AADACL2: variants seen among roughly 807,000 people sequenced by gnomAD.
AADACL2 encodes the protein arylacetamide deacetylase-like 2.
A neutral mutation model predicts 22.3 loss-of-function variants in AADACL2; 23 were observed. The ratio of observed to expected loss-of-function variants is 1.03; its 90% CI spans 0.74 to 1.46. The LOEUF (loss-of-function observed/expected upper bound fraction) is 1.46, where lower values mean the gene tolerates loss of function less well. Among genes scored for constraint, AADACL2 ranks in the 40% most tolerant of loss-of-function variants. The pLI is 0.00. For missense variants in AADACL2, 472 were observed against 482.9 expected, an observed-to-expected ratio of 0.98 and a Z score of 0.21; for synonymous variants, 177 against 166.2, an observed-to-expected ratio of 1.07 and a Z score of -0.50.
chr3:151,756,968 C>A, intron 4 of AADACL2, 24 bp from the exon 5 acceptor site: 1 of 1,532,796 alleles, frequency 6.5e-7, no homozygotes, highest in Middle Eastern at 1.8e-4. Flanking sequence ...GTTTGCATTA[C>A]AGAATATTAC....
At chr3:151,748,145 T>A (rs181559162) in intron 4 of AADACL2, among the ~76,000 whole-genome samples, 2 of 152,202 alleles carry the variant, frequency 1.3e-5, no homozygotes, top group Non-Finnish European at 2.9e-5. Context: ...ATTTTTGCTT[T>A]TGTTGCCTGT....
intron 4 of AADACL2, 64 bp from the exon 5 acceptor site, chr3:151,756,928 A>T (rs1713933788): frequency 6.8e-7 from 1 of 1,479,228 alleles, no homozygotes; most frequent in Non-Finnish European, 9.0e-7. Context: ...CTAGATAATT[A>T]AATTTTTTTT....
intron 4 of AADACL2, among the ~76,000 whole-genome samples, chr3:151,750,398 T>C (rs903610627): frequency 6.6e-6 from 1 of 152,206 alleles, no homozygotes; most frequent in African/African-American, 2.4e-5. Context: ...TAAGTTCACC[T>C]ATGAGTCTCT....
intron 3 of AADACL2, 75 bp downstream of exon 3, chr3:151,744,237 G>T: frequency 7.4e-7 from 1 of 1,345,266 alleles, no homozygotes; most frequent in South Asian, 1.3e-5. Context: ...CATCAAGTCA[G>T]CTATGCTTCA....
intron 4 of AADACL2, among the ~76,000 whole-genome samples, chr3:151,749,843 G>A (rs904869905): frequency 7.2e-5 from 11 of 151,798 alleles, no homozygotes; most frequent in Non-Finnish European, 1.3e-4. Flanking sequence ...TTGTTTTTTT[G>A]TTTTCTTAAT....
In AADACL2 at chr3:151,754,864, C is replaced by T. The variant is rs570945519; in HGVS notation, c.604-2128C>T. Among the ~76,000 whole-genome samples the T allele has an allele frequency of 1.1e-4, 16 of 152,148 alleles. No individual in the cohort carries two copies. The South Asian group carries it at 3.1e-3, about 30-fold the overall frequency. On this transcript the variant is annotated intron_variant, in intron 4 of 4. Transcript: ENST00000356517. ...CATTTTTTTGCACTCAAGTACATATCAGTTACCCACAAAATCAGAAATACA... is the reference window on the plus strand; with the variant it reads ...CATTTTTTTGCACTCAAGTACATATTAGTTACCCACAAAATCAGAAATACA...
At chr3:151,749,690 C>T in intron 4 of AADACL2, among the ~76,000 whole-genome samples, 1 of 152,092 alleles carries the variant, frequency 6.6e-6, no homozygotes, top group East Asian at 1.9e-4. Context: ...ACCATGTTAA[C>T]CAGGATGGTC....
intron 2 of AADACL2, among the ~76,000 whole-genome samples, chr3:151,743,632 G>A (rs867562533): frequency 1.3e-5 from 2 of 152,138 alleles, no homozygotes; most frequent in African/African-American, 2.4e-5. Context: ...TTTGAAGAAC[G>A]ATGTTTAGAG....
intron 2 of AADACL2, among the ~76,000 whole-genome samples, chr3:151,742,574 G>C (rs1286722187): frequency 2.0e-5 from 3 of 152,158 alleles, no homozygotes; most frequent in Non-Finnish European, 4.4e-5. Context: ...GTCTCTGGAT[G>C]AAACGGATTT....
At chr3:151,736,638 T>G (rs190318249) in intron 1 of AADACL2, among the ~76,000 whole-genome samples, 38 of 152,338 alleles carry the variant, frequency 2.5e-4, no homozygotes, top group African/African-American at 9.1e-4. Context: ...TCTATGTACC[T>G]GCAAAGGACA....
intron 1 of AADACL2, among the ~76,000 whole-genome samples, chr3:151,736,366 T>C (rs1289907595): frequency 6.6e-6 from 1 of 151,940 alleles, no homozygotes; most frequent in African/African-American, 2.4e-5. Flanking sequence ...TGCAGGTTTG[T>C]TGCATAGGTA....
intron 1 of AADACL2, among the ~76,000 whole-genome samples, chr3:151,738,544 T>G (rs1291925461): frequency 6.6e-5 from 10 of 152,204 alleles, no homozygotes; most frequent in Admixed American, 6.5e-4. Flanking sequence ...TGGCCTGTCT[T>G]GCTATGTTGG....
chr3:151,753,122 T>C (rs548249322), intron 4 of AADACL2, among the ~76,000 whole-genome samples: 26 of 152,302 alleles, frequency 1.7e-4, no homozygotes, highest in African/African-American at 4.8e-4. Context: ...CATACATAGA[T>C]AGTATGTATG....
At chr3:151,753,487 A>G (rs6769293) in intron 4 of AADACL2, among the ~76,000 whole-genome samples, 4,713 of 152,184 alleles carry the variant, frequency 0.031, 249 homozygotes, top group African/African-American at 0.11. Flanking sequence ...AAATCCTCCC[A>G]TTTGGAATTT....
At chr3:151,742,669 T>G (rs1713318175) in intron 2 of AADACL2, among the ~76,000 whole-genome samples, 1 of 152,098 alleles carries the variant, frequency 6.6e-6, no homozygotes. Flanking sequence ...ACACATCACT[T>G]TGTTCCCAGA....
chr3:151,761,242 T>TATATA lies in AADACL2; in HGVS notation c.*3648_*3649insATATA, dbSNP rs61116602. 1 of 132,272 alleles carries TATATA rather than the reference T, an allele frequency of 7.6e-6. No individual in the cohort carries two copies. Among genetic ancestry groups the TATATA allele is most frequent in the Non-Finnish European group, 1.6e-5 (1 of 61,896 alleles). 8.2% of individuals were successfully genotyped at this position (132,272 alleles called of 1,614,324 possible). A position where few individuals can be genotyped will look rare whatever the true frequency, so the allele number is the denominator to read the frequency against. On this transcript the variant is annotated 3_prime_UTR_variant, in exon 5 of 5. Coordinates refer to ENST00000356517, the MANE Select transcript of AADACL2 (RefSeq NM_207365.4). ...ATATATATATATATATATATATATATGAATTTGGTGGAACACAAAAGAACA... is the reference window on the plus strand; with the variant it reads ...ATATATATATATATATATATATATATATATAGAATTTGGTGGAACACAAAAGAACA...
At chr3:151,756,923 TAATTA>T in intron 4 of AADACL2, 64 bp from the exon 5 acceptor site, 1 of 1,458,604 alleles carries the variant, frequency 6.9e-7, no homozygotes, top group Non-Finnish European at 9.1e-7. Context: ...GACTGCTAGA[TAATTA>T]AATTTTTTTT....
At chr3:151,740,931 TATATAA>T in intron 2 of AADACL2, 63 bp downstream of exon 2, 1 of 1,343,924 alleles carries the variant, frequency 7.4e-7, no homozygotes, top group Non-Finnish European at 1.0e-6. Context: ...AGAACTATTT[TATATAA>T]ATATACACAC....
At chr3:151,736,231 TTGAA>T in intron 1 of AADACL2, among the ~76,000 whole-genome samples, 1 of 152,196 alleles carries the variant, frequency 6.6e-6, no homozygotes, top group Middle Eastern at 3.4e-3. Context: ...TTAGTGGGTT[TTGAA>T]TAGGACAGCT....
Sources: allele counts gnomAD v4.1 joint callset (sites outside exome capture counted in the v4.1 genomes callset), GRCh38; gene constraint gnomAD v4.1.1; transcripts MANE v1.5; gene names NCBI Gene and HGNC (gene_info 2026-07-23, HGNC 2026-07-21).